The following GINM1 variants were observed in gnomAD, a reference collection of about 807,000 sequenced individuals.
The protein encoded by GINM1 is glycoprotein integral membrane protein 1.
GINM1 carries 29 observed loss-of-function variants against 37.8 expected under a neutral mutation model. That is an observed-to-expected ratio of 0.77 (90% CI 0.57 to 1.05). The LOEUF (loss-of-function observed/expected upper bound fraction) is 1.05, where lower values mean the gene tolerates loss of function less well. GINM1 is among the 50% of genes least tolerant of loss of function. The probability of loss-of-function intolerance (pLI) is 0.00; values close to 1 mark genes in which losing one functional copy is unlikely to be tolerated. For missense variants in GINM1, 377 were observed against 397.9 expected (o/e 0.95, Z 0.45); for synonymous variants, 143 against 146.2 (o/e 0.98, Z 0.16).
intron 7 of GINM1, 51 bp from the exon 8 acceptor site, chr6:149,590,676 A>G: frequency 1.1e-6 from 1 of 947,808 alleles, no homozygotes. Flanking sequence ...ATCAAACTAC[A>G]GGCAGAGGAA....
At position 149,578,932 on chromosome 6, in the gene GINM1, AT is replaced by A; in HGVS notation, c.390del (p.Ile130MetfsTer7). Reference protein sequence around the residue: ...PMTSGSSLQLIVIQEEVVEID... With the variant: ...PMTSGSSLQLXVIQEEVVEID... Reference sequence around the variant, plus strand: ...GACATCTGGTTCCAGTTTGCAACTAATTGTCATTCAAGAAGAGGTAGTAGAG... The same window carrying A: ...GACATCTGGTTCCAGTTTGCAACTAATGTCATTCAAGAAGAGGTAGTAGAG... On this transcript the variant is annotated frameshift_variant, in exon 4 of 8. Transcript: ENST00000367419. LOFTEE classifies it high-confidence loss of function. 5 of 1,605,704 alleles carry A rather than the reference AT, an allele frequency of 3.1e-6. No homozygotes were observed. Among genetic ancestry groups the A allele is most frequent in the Non-Finnish European group, 4.3e-6 (5 of 1,173,060 alleles).
intron 3 of GINM1, among the ~76,000 whole-genome samples, chr6:149,575,830 C>T (rs1034883166): frequency 4.6e-5 from 7 of 152,146 alleles, no homozygotes; most frequent in Admixed American, 2.0e-4. Flanking sequence ...TGGAATACAG[C>T]CTGTCTCCTC....
chr6:149,571,811 G>C (rs1454678678), intron 1 of GINM1, among the ~76,000 whole-genome samples: 1 of 151,924 alleles, frequency 6.6e-6, no homozygotes, highest in African/African-American at 2.4e-5. Flanking sequence ...GACCGGGCGC[G>C]GTGACTCACG....
chr6:149,576,094 G>A (rs959229269), intron 3 of GINM1: 4 of 152,126 alleles, frequency 2.6e-5, no homozygotes, highest in African/African-American at 4.8e-5. Flanking sequence ...TCTGTAGGTC[G>A]AGAATCTGAG....
At chr6:149,573,403 TG>T (rs1477417375) in intron 3 of GINM1, among the ~76,000 whole-genome samples, 3 of 152,176 alleles carry the variant, frequency 2.0e-5, no homozygotes, top group Non-Finnish European at 2.9e-5. Context: ...CACTCCAGCA[TG>T]GGTGACAGAA....
In GINM1 at chr6:149,566,628, G is replaced by C. The variant is rs941215421; in HGVS notation, c.120+94G>C. The C allele has an allele frequency of 7.3e-7, 1 of 1,364,442 alleles. No individual in the cohort carries two copies. The highest frequency in any genetic ancestry group is 9.5e-7 in the Non-Finnish European group (1 of 1,055,228). 84.5% of individuals were successfully genotyped at this position (1,364,442 alleles called of 1,614,324 possible). A position where few individuals can be genotyped will look rare whatever the true frequency, so the allele number is the denominator to read the frequency against. On this transcript the variant is annotated intron_variant, in intron 1 of 7. Coordinates refer to ENST00000367419, the MANE Select transcript of GINM1 (RefSeq NM_138785.5). The surrounding 1 kb of genome is among the most constrained non-coding windows in gnomAD (Gnocchi z 4.4). ...GTGACGCTTCCCACATCCCACCGGC[G>C]GGCAGGGGCGGGGGTCCGGGCCCCC...
At chr6:149,587,612 G>A (rs1015588650) in intron 7 of GINM1, among the ~76,000 whole-genome samples, 1 of 152,188 alleles carries the variant, frequency 6.6e-6, no homozygotes, top group Admixed American at 6.5e-5. Context: ...TGGGGAGGGG[G>A]AGAGGGGTTC....
In GINM1 at chr6:149,572,332, A is replaced by AGAT. The variant is rs1251297138; in HGVS notation, c.168_169insGAT (p.Ile56_Ser57insAsp). 5.6e-6 allele frequency: 9 copies of AGAT among 1,596,216 alleles called. No individual in the cohort carries two copies. The highest frequency in any genetic ancestry group is 6.0e-6 in the Non-Finnish European group (7 of 1,170,518). Reference sequence around the variant, plus strand: ...CTACACTGAAAGATGATGGGGACATATCTAAACAGCAGGTTTGTCTCCTTT... The same window carrying AGAT: ...CTACACTGAAAGATGATGGGGACATAGATTCTAAACAGCAGGTTTGTCTCCTTT... On this transcript the variant is annotated inframe_insertion, in exon 2 of 8. Transcript: ENST00000367419.
At chr6:149,577,049 G>A (rs978284758) in intron 3 of GINM1, among the ~76,000 whole-genome samples, 18 of 152,298 alleles carry the variant, frequency 1.2e-4, no homozygotes, top group South Asian at 6.2e-4. Context: ...TGGCAGTGGG[G>A]TGCCGTAACC....
At chr6:149,567,238 G>T (rs1289756335) in intron 1 of GINM1, among the ~76,000 whole-genome samples, 1 of 152,204 alleles carries the variant, frequency 6.6e-6, no homozygotes, top group Admixed American at 6.5e-5. Flanking sequence ...ACATTAAAAC[G>T]TGGCTGATGC....
At chr6:149,580,326 G>A (rs1300210511) in intron 5 of GINM1, among the ~76,000 whole-genome samples, 1 of 152,156 alleles carries the variant, frequency 6.6e-6, no homozygotes, top group African/African-American at 2.4e-5. Flanking sequence ...TTCAGAGGAA[G>A]AACTATTCAT....
intron 6 of GINM1, among the ~76,000 whole-genome samples, chr6:149,581,458 C>T (rs946273397): frequency 6.6e-5 from 10 of 152,146 alleles, no homozygotes; most frequent in Admixed American, 1.3e-4. Context: ...CATCCCCGGC[C>T]GATAATTACT....
In GINM1 at chr6:149,566,471, A is replaced by G. The variant is rs1400567318; in HGVS notation, c.57A>G (p.Leu19=). Residue 19 remains leucine (L), a synonymous_variant, in exon 1 of 8, where the codon CTA becomes CTG. Coordinates refer to ENST00000367419, the MANE Select transcript of GINM1 (RefSeq NM_138785.5). The surrounding 1 kb of genome is among the most constrained non-coding windows in gnomAD (Gnocchi z 4.4). The stretch of plus-strand genomic sequence containing the variant: ...TCCGGCTCCTGCTGTTCGTGGCGCT[A>G]CCCGCCTCCGGCTGGCTGACGACGG... ...LALRLLLFVA[L]PASGWLTTGA... 7 of 1,559,124 alleles carry G rather than the reference A, an allele frequency of 4.5e-6. No individual in the cohort carries two copies. Among genetic ancestry groups the G allele is most frequent in the Non-Finnish European group, 6.0e-6 (7 of 1,163,864 alleles).
intron 3 of GINM1, 114 bp downstream of exon 3, chr6:149,572,717 A>C: frequency 1.4e-6 from 1 of 708,964 alleles, no homozygotes; most frequent in Non-Finnish European, 2.5e-6. Flanking sequence ...GCTGGAGTGC[A>C]ATGGTGCGAT....
chr6:149,583,963 G>GTTTTA (rs919215786), intron 7 of GINM1, among the ~76,000 whole-genome samples: 3 of 151,764 alleles, frequency 2.0e-5, no homozygotes, highest in African/African-American at 2.4e-5. Flanking sequence ...TAAATCAGTC[G>GTTTTA]TTTTATTTTA....
chr6:149,589,959 G>A (rs1021407369), intron 7 of GINM1, among the ~76,000 whole-genome samples: 4 of 152,182 alleles, frequency 2.6e-5, no homozygotes, highest in African/African-American at 9.6e-5. Context: ...TGTGTCCCAT[G>A]CCCAGCTAAT....
chr6:149,591,643 G>A lies in GINM1; in HGVS notation c.*805G>A, dbSNP rs948193201. ...CACTGAAGTGTATCATGATTTGATT[G>A]TATCCTGTACCAAGACTACTTACCT... On this transcript the variant is annotated 3_prime_UTR_variant, in exon 8 of 8. Coordinates refer to ENST00000367419, the MANE Select transcript of GINM1 (RefSeq NM_138785.5). The A allele has an allele frequency of 6.6e-6, 1 of 151,272 alleles. No individual in the cohort carries two copies. The highest frequency in any genetic ancestry group is 1.5e-5 in the Non-Finnish European group (1 of 67,944). 9.4% of individuals were successfully genotyped at this position (151,272 alleles called of 1,614,324 possible).
rs751065479 is a variant in GINM1, at chr6:149,582,578, G to A, written c.856G>A (p.Val286Met). 6.3e-7 allele frequency: 1 copy of A among 1,586,622 alleles called. No individual in the cohort carries two copies. Among genetic ancestry groups the A allele is most frequent in the East Asian group, 2.3e-5 (1 of 44,364 alleles). The change falls in exon 7 of 8, where the codon GTG becomes ATG. Residue 286 changes from valine to methionine, a missense_variant. Physicochemically the swap from Val to Met is conservative, Grantham distance 21 (BLOSUM62 1). Transcript: ENST00000367419. ...AGCTGTGGTAATAACCATCTTAAAG[G>A]TGTTTTTCCCAGTTTCTGAATACAA... ...GAAVVITILKVFFPVSEYKGI... is the reference protein window; with the variant it reads ...GAAVVITILKMFFPVSEYKGI...
chr6:149,570,190 AT>A lies in GINM1; in HGVS notation c.121-2094del, dbSNP rs1777795706. On this transcript the variant is annotated intron_variant, in intron 1 of 7. Coordinates refer to ENST00000367419, the MANE Select transcript of GINM1 (RefSeq NM_138785.5). ...TATATATATATATATATATATATAT[AT>A]ATATATAAAGTTCAGTAACTTGCTA... 2.2e-4 allele frequency among the ~76,000 whole-genome samples: 20 copies of A among 92,142 alleles called. 1 individual carries two copies. Among genetic ancestry groups the A allele is most frequent in the Non-Finnish European group, 2.9e-4 (13 of 45,210 alleles). 60.4% of individuals were successfully genotyped at this position (92,142 alleles called of 152,430 possible).
Sources: gnomAD v4.1 joint callset for allele counts (sites outside exome capture counted in the v4.1 genomes callset) on GRCh38, gnomAD v4.1.1 for gene constraint, Gnocchi (gnomAD v3.1) non-coding constraint, MANE v1.5 for transcripts, NCBI Gene and HGNC (gene_info 2026-07-23, HGNC 2026-07-21) for gene names.